The following PHF20L1 variants were observed in gnomAD, a reference collection of about 807,000 sequenced individuals.
The protein encoded by PHF20L1 is PHD finger protein 20 like 1, also known as PHD finger protein 20-like protein 1.
In PHF20L1, 44 loss-of-function variants were observed where a neutral mutation model predicts 125.5. The ratio of observed to expected loss-of-function variants is 0.35; its 90% CI spans 0.28 to 0.45. The LOEUF is 0.45. Ranked by LOEUF, PHF20L1 falls within the 20% of genes least tolerant of loss-of-function variation. The pLI is 1.00. For synonymous variants in PHF20L1, 380 were observed against 403.1 expected (o/e 0.94, Z 0.69); for missense variants, 1,012 against 1,217.2 (o/e 0.83, Z 2.51).
chr8:132,813,673 A>G (rs895106567), intron 9 of PHF20L1, among the ~76,000 whole-genome samples: 1 of 152,006 alleles, frequency 6.6e-6, no homozygotes, highest in Non-Finnish European at 1.5e-5. Context: ...AATGCATATT[A>G]TATATTTTGC....
At chr8:132,818,558 A>T (rs1835228287) in intron 12 of PHF20L1, 1 of 151,906 alleles carries the variant, frequency 6.6e-6, no homozygotes, top group Non-Finnish European at 1.5e-5. Flanking sequence ...TAAAGGTTGA[A>T]GTTACTTTGT....
intron 2 of PHF20L1, among the ~76,000 whole-genome samples, chr8:132,783,224 GA>G (rs1830638726): frequency 6.6e-6 from 1 of 151,992 alleles, no homozygotes; most frequent in Admixed American, 6.6e-5. Context: ...TAAATCTAAA[GA>G]AAAGGAAAAT....
At chr8:132,810,850 A>G in intron 8 of PHF20L1, 196 bp from the exon 9 acceptor site, 1 of 518,816 alleles carries the variant, frequency 1.9e-6, no homozygotes, top group Non-Finnish European at 3.5e-6. Flanking sequence ...CAACTGTATA[A>G]GCAACTCTCA....
At position 132,833,013 on chromosome 8, in the gene PHF20L1, G is replaced by C. The variant is rs532903594; in HGVS notation, c.1909+614G>C. ...TAGACTTTCCTGCAGGTCCAGTCCT[G>C]ACAGTGGAAAGTGTTGAAGACTCTT... is the stretch of plus-strand genomic sequence containing the variant. On this transcript the variant is annotated intron_variant, in intron 15 of 20. Coordinates refer to ENST00000395386, the MANE Select transcript of PHF20L1 (RefSeq NM_016018.5). Among the ~76,000 whole-genome samples, 49 of 152,202 alleles carry C rather than the reference G, an allele frequency of 3.2e-4. 1 individual carries two copies. The South Asian group carries it at 9.5e-3, about 30-fold the overall frequency.
chr8:132,812,628 T>G (rs1834525101), intron 9 of PHF20L1: 1 of 984,514 alleles, frequency 1.0e-6, no homozygotes, highest in African/African-American at 1.7e-5. Flanking sequence ...TTTCTACTTG[T>G]CATTCAGGTT....
In PHF20L1 at chr8:132,794,863, A is replaced by C. The variant is rs375920759; in HGVS notation, c.340+46A>C. ...GAGACTTAAAATTAGATTAATAGTA[A>C]AATTTCACTGTATTTTAAATTTTAA... On this transcript the variant is annotated intron_variant, in intron 4 of 20. Transcript: ENST00000395386. 27 of 1,206,550 alleles carry C rather than the reference A, an allele frequency of 2.2e-5. No individual in the cohort carries two copies. In the African/African-American group the frequency reaches 4.1e-4, roughly 18 times the overall value. The allele number at this position is 1,206,550 out of a possible 1,614,324, so 74.7% of individuals were successfully genotyped here.
chr8:132,794,709 G>A, intron 3 of PHF20L1, 24 bp from the exon 4 acceptor site: 1 of 1,573,538 alleles, frequency 6.4e-7, no homozygotes, highest in Non-Finnish European at 8.7e-7. Context: ...ACATGGAATT[G>A]ATCTTAAAAG....
chr8:132,799,471 A>G (rs1832789585), intron 6 of PHF20L1: 1 of 211,360 alleles, frequency 4.7e-6, no homozygotes, highest in South Asian at 1.8e-4. Context: ...TAAAAACCAC[A>G]ATTCCATTTG....
Position 132,845,990 on chromosome 8 carries a change from T to C in PHF20L1, c.*67T>C, listed in dbSNP as rs1490985953. The C allele has an allele frequency of 1.7e-6, 2 of 1,173,196 alleles. No homozygotes were observed. Among genetic ancestry groups the C allele is most frequent in the Non-Finnish European group, 2.5e-6 (2 of 806,240 alleles). The allele number at this position is 1,173,196 out of a possible 1,614,324, so 72.7% of individuals were successfully genotyped here. ...CAAAGCATTTTTATTATCCACGTGA[T>C]GGCTAAGTGGATAATTTAAAAGCTT... On this transcript the variant is annotated 3_prime_UTR_variant, in exon 21 of 21. Coordinates refer to ENST00000395386, the MANE Select transcript of PHF20L1 (RefSeq NM_016018.5).
intron 2 of PHF20L1, among the ~76,000 whole-genome samples, chr8:132,784,563 AG>A (rs1191440437): frequency 6.6e-6 from 1 of 152,182 alleles, no homozygotes; most frequent in Non-Finnish European, 1.5e-5. Flanking sequence ...GGCAGAGGTA[AG>A]ATAGACAAAA....
chr8:132,791,254 CT>C (rs1184118420), intron 2 of PHF20L1, among the ~76,000 whole-genome samples: 16,661 of 117,004 alleles, frequency 0.14, 1,742 homozygotes, highest in African/African-American at 0.31. Flanking sequence ...GAGTTATTTC[CT>C]TTTTTTTTTT....
chr8:132,804,865 T>TG, intron 8 of PHF20L1, 125 bp downstream of exon 8: 2 of 791,530 alleles, frequency 2.5e-6, no homozygotes, highest in Non-Finnish European at 4.0e-6. Flanking sequence ...CAAAGACAAT[T>TG]ACTTTGTGGT....
intron 4 of PHF20L1, among the ~76,000 whole-genome samples, chr8:132,796,626 G>A (rs1277721846): frequency 2.0e-5 from 3 of 152,068 alleles, no homozygotes; most frequent in African/African-American, 7.2e-5. Flanking sequence ...AGAGTTGAGA[G>A]ACATCTCAGT....
At chr8:132,807,535 G>A (rs1833871762) in intron 8 of PHF20L1, 1 of 273,372 alleles carries the variant, frequency 3.7e-6, no homozygotes. Flanking sequence ...CCTGAAATTT[G>A]AATTGACCAG....
rs1221158625 is a variant in PHF20L1 at position 132,847,380 on chromosome 8, C to T, written c.*1457C>T. The stretch of plus-strand genomic sequence containing the variant: ...GAGGAGGCTATTTGATGACATAACA[C>T]TTGAATATTTTATGCCTCATTCTGT... On this transcript the variant is annotated 3_prime_UTR_variant, in exon 21 of 21. Transcript: ENST00000395386. The T allele has an allele frequency of 6.6e-6, 1 of 152,542 alleles. No homozygotes were observed. The highest frequency in any genetic ancestry group is 1.5e-5 in the Non-Finnish European group (1 of 68,010). 9.4% of individuals were successfully genotyped at this position (152,542 alleles called of 1,614,324 possible). A position where few individuals can be genotyped will look rare whatever the true frequency, so the allele number is the denominator to read the frequency against.
At chr8:132,787,919 G>A (rs749095278) in intron 2 of PHF20L1, among the ~76,000 whole-genome samples, 2 of 152,058 alleles carry the variant, frequency 1.3e-5, no homozygotes, top group Non-Finnish European at 2.9e-5. Flanking sequence ...ATAATTGGAT[G>A]TAAGACAGCT....
intron 9 of PHF20L1, chr8:132,812,031 G>A (rs1834447269): frequency 1.0e-6 from 1 of 984,076 alleles, no homozygotes; most frequent in Non-Finnish European, 1.2e-6. Flanking sequence ...TGATAACAAT[G>A]CGTTGTTTTG....
In PHF20L1 at chr8:132,832,319, C is replaced by A; in HGVS notation, c.1829C>A (p.Ala610Asp). 6.2e-7 allele frequency: 1 copy of A among 1,610,828 alleles called. No individual in the cohort carries two copies. The highest frequency in any genetic ancestry group is 8.5e-7 in the Non-Finnish European group (1 of 1,177,362). The change falls in exon 15 of 21, where the codon GCT becomes GAT. Residue 610 changes from alanine (A) to aspartate (D), a missense_variant. Ala to Asp is a moderately radical substitution (Grantham distance 126). Coordinates refer to ENST00000395386, the MANE Select transcript of PHF20L1 (RefSeq NM_016018.5). ...PLTRSSGSSLASRSMFTEKTT... is the reference protein window; with the variant it reads ...PLTRSSGSSLDSRSMFTEKTT... Reference sequence around the variant, plus strand: ...ACTCGATCTTCTGGGAGTTCTCTGGCTTCACGAAGCATGTTTACGGAGAAA... The same window carrying A: ...ACTCGATCTTCTGGGAGTTCTCTGGATTCACGAAGCATGTTTACGGAGAAA...
rs563320957 is a variant in PHF20L1 at position 132,843,725 on chromosome 8, G to A, written c.2749-431G>A. On this transcript the variant is annotated intron_variant, in intron 19 of 20. Transcript: ENST00000395386. ...TACTGTACTATAACAGTAAAGTCCAGTCTGTAGTTAATTAGATTTTATACT... is the reference window on the plus strand; with the variant it reads ...TACTGTACTATAACAGTAAAGTCCAATCTGTAGTTAATTAGATTTTATACT... The A allele has an allele frequency of 1.2e-5, 12 of 984,932 alleles. No individual in the cohort carries two copies. In the East Asian group the frequency reaches 5.7e-4, roughly 47 times the overall value. 61.0% of individuals were successfully genotyped at this position (984,932 alleles called of 1,614,324 possible). A position where few individuals can be genotyped will look rare whatever the true frequency, so the allele number is the denominator to read the frequency against.
Sources: allele counts gnomAD v4.1 joint callset (sites outside exome capture counted in the v4.1 genomes callset), GRCh38; gene constraint gnomAD v4.1.1; transcripts MANE v1.5; gene names NCBI Gene and HGNC (gene_info 2026-07-23, HGNC 2026-07-21).